SQOR: variants seen among roughly 807,000 people sequenced by gnomAD.
SQOR encodes the protein sulfide quinone oxidoreductase.
Under a neutral mutation model 48.6 loss-of-function variants are expected in SQOR, and 39 were observed. The observed-to-expected ratio is 0.80, with a 90% confidence interval of 0.62 to 1.05. SQOR has a LOEUF of 1.05. Among genes scored for constraint, SQOR ranks in the 50% least tolerant of loss-of-function variants. The pLI is 0.00. For synonymous variants in SQOR, 220 were observed against 206.2 expected (o/e 1.07, Z -0.57); for missense variants, 561 against 559.9 (o/e 1.00, Z -0.02).
At chr15:45,643,099 C>T (rs1016922388) in intron 1 of SQOR, among the ~76,000 whole-genome samples, 3 of 152,206 alleles carry the variant, frequency 2.0e-5, no homozygotes, top group African/African-American at 7.2e-5. Context: ...CCTCAATGCC[C>T]TAGCTAAAAG....
intron 1 of SQOR, among the ~76,000 whole-genome samples, chr15:45,655,296 A>T (rs1240709547): frequency 6.6e-6 from 1 of 152,246 alleles, no homozygotes; most frequent in Non-Finnish European, 1.5e-5. Flanking sequence ...GGCTTTTCCC[A>T]TGGAGATAGA....
At chr15:45,653,274 G>C (rs1244966707) in intron 1 of SQOR, among the ~76,000 whole-genome samples, 2 of 152,160 alleles carry the variant, frequency 1.3e-5, no homozygotes, top group Non-Finnish European at 2.9e-5. Flanking sequence ...TCTGCTGCTG[G>C]CCCCAAGGGG....
chr15:45,660,552 C>A (rs1889700465), intron 2 of SQOR, among the ~76,000 whole-genome samples: 1 of 152,182 alleles, frequency 6.6e-6, no homozygotes, highest in African/African-American at 2.4e-5. Context: ...TTGTCCTGCC[C>A]CGTGAGGAAG....
intron 1 of SQOR, among the ~76,000 whole-genome samples, chr15:45,657,583 G>A (rs1279393558): frequency 1.3e-5 from 2 of 151,920 alleles, no homozygotes; most frequent in African/African-American, 4.8e-5. Flanking sequence ...AAGTTGTCGG[G>A]GCACCAAAAC....
rs369051941 is a variant in SQOR at position 45,674,479 on chromosome 15, G to A, written c.654+678G>A. ...AAGTCTACTGGAGAGATATGTTAGAGACTGTTTAAATATTTCCATATAGTT... is the reference window on the plus strand; with the variant it reads ...AAGTCTACTGGAGAGATATGTTAGAAACTGTTTAAATATTTCCATATAGTT... On this transcript the variant is annotated intron_variant, in intron 5 of 9. Coordinates refer to ENST00000260324, the MANE Select transcript of SQOR (RefSeq NM_021199.4). Among the ~76,000 whole-genome samples the A allele has an allele frequency of 4.6e-5, 7 of 151,842 alleles. No individual in the cohort carries two copies. The East Asian group carries it at 9.7e-4, about 21-fold the overall frequency.
chr15:45,669,690 C>T (rs984444524), intron 3 of SQOR, among the ~76,000 whole-genome samples: 17 of 152,138 alleles, frequency 1.1e-4, no homozygotes, highest in African/African-American at 2.9e-4. Flanking sequence ...GGAGTGGACA[C>T]GCATCCCTCC....
chr15:45,680,367 T>A (rs540240198), intron 6 of SQOR, among the ~76,000 whole-genome samples: 2 of 152,060 alleles, frequency 1.3e-5, no homozygotes, highest in African/African-American at 4.8e-5. Flanking sequence ...GTGTTGGGAT[T>A]ACAGGTGTGA....
At chr15:45,636,662 A>G (rs1046738837) in intron 1 of SQOR, among the ~76,000 whole-genome samples, 3 of 152,124 alleles carry the variant, frequency 2.0e-5, no homozygotes, top group Admixed American at 6.5e-5. Flanking sequence ...TTGGACTCCC[A>G]AAGTTCTGGG....
intron 1 of SQOR, among the ~76,000 whole-genome samples, chr15:45,647,917 G>A (rs577737227): frequency 7.2e-5 from 11 of 152,218 alleles, no homozygotes; most frequent in African/African-American, 2.4e-4. Flanking sequence ...GAGCAAGACT[G>A]TCTCAAAAAC....
At chr15:45,646,656 A>C (rs927630308) in intron 1 of SQOR, among the ~76,000 whole-genome samples, 1 of 152,200 alleles carries the variant, frequency 6.6e-6, no homozygotes, top group African/African-American at 2.4e-5. Context: ...AGTTTTTTTA[A>C]ATTTTTCATT....
chr15:45,656,361 G>A (rs1478304785), intron 1 of SQOR, among the ~76,000 whole-genome samples: 1 of 152,138 alleles, frequency 6.6e-6, no homozygotes, highest in African/African-American at 2.4e-5. Context: ...GTACAGTGGT[G>A]AAATCACAGA....
chr15:45,664,042 T>C (rs1373715565), intron 3 of SQOR, among the ~76,000 whole-genome samples: 17 of 152,156 alleles, frequency 1.1e-4, no homozygotes, highest in Admixed American at 1.1e-3. Flanking sequence ...TGATGGTTAT[T>C]CATGAAAAAA....
rs77846884 is a variant in SQOR at position 45,678,605 on chromosome 15, C to T, written c.864+2295C>T. Among the ~76,000 whole-genome samples the T allele has an allele frequency of 5.3e-5, 8 of 151,998 alleles. No individual in the cohort carries two copies. In the East Asian group the frequency reaches 1.5e-3, roughly 29 times the overall value. On this transcript the variant is annotated intron_variant, in intron 6 of 9. Transcript: ENST00000260324. ...CTGGTGTCACAGGTTGTCCCAGGCT[C>T]ATCTAGTATCTATCTGCAGCAGCTC...
At chr15:45,655,724 C>T (rs1889592334) in intron 1 of SQOR, among the ~76,000 whole-genome samples, 1 of 145,690 alleles carries the variant, frequency 6.9e-6, no homozygotes, top group South Asian at 2.2e-4. Flanking sequence ...CACTCTGTTG[C>T]CCAGGCTGGA....
chr15:45,652,359 G>C (rs1889509086), intron 1 of SQOR, among the ~76,000 whole-genome samples: 1 of 151,882 alleles, frequency 6.6e-6, no homozygotes, highest in Non-Finnish European at 1.5e-5. Flanking sequence ...GATTGAGACA[G>C]AGTCCCACTC....
intron 3 of SQOR, among the ~76,000 whole-genome samples, chr15:45,669,659 T>C (rs1889903261): frequency 6.6e-6 from 1 of 152,140 alleles, no homozygotes; most frequent in African/African-American, 2.4e-5. Flanking sequence ...GTGTGAGGCA[T>C]AGACGGCAGA....
intron 1 of SQOR, among the ~76,000 whole-genome samples, chr15:45,643,924 C>T (rs1895149849): frequency 6.6e-6 from 1 of 152,138 alleles, no homozygotes. Context: ...AGGCCACGTG[C>T]TGCTTCTTCT....
intron 7 of SQOR, among the ~76,000 whole-genome samples, chr15:45,685,149 C>G (rs1890199317): frequency 6.6e-6 from 1 of 152,102 alleles, no homozygotes; most frequent in African/African-American, 2.4e-5. Context: ...GTGGCAAAAA[C>G]CGCAGTTACT....
At chr15:45,655,920 T>C (rs1009604919) in intron 1 of SQOR, among the ~76,000 whole-genome samples, 20 of 151,954 alleles carry the variant, frequency 1.3e-4, no homozygotes, top group Non-Finnish European at 1.9e-4. Context: ...CTCCTGACCT[T>C]GTGATCCGCC....
Sources: allele counts gnomAD v4.1 joint callset (sites outside exome capture counted in the v4.1 genomes callset), GRCh38; gene constraint gnomAD v4.1.1; transcripts MANE v1.5; gene names NCBI Gene and HGNC (gene_info 2026-07-23, HGNC 2026-07-21).